The following ALS2 variants were observed in gnomAD, a reference collection of about 807,000 sequenced individuals.
ALS2 encodes the protein alsin.
Under a neutral mutation model 203.4 loss-of-function variants are expected in ALS2, and 117 were observed. That is an observed-to-expected ratio of 0.58 (90% CI 0.50 to 0.67). The LOEUF (loss-of-function observed/expected upper bound fraction) is 0.67, where lower values mean the gene tolerates loss of function less well. ALS2 is among the 30% of genes least tolerant of loss of function. The probability of loss-of-function intolerance (pLI) is 0.00; values close to 1 mark genes in which losing one functional copy is unlikely to be tolerated. For missense variants in ALS2, 1,715 were observed against 1,989.4 expected (o/e 0.86, Z 2.62); for synonymous variants, 718 against 725.9 (o/e 0.99, Z 0.17).
At chr2:201,772,486 A>G (rs930288799) in intron 1 of ALS2, among the ~76,000 whole-genome samples, 2 of 152,002 alleles carry the variant, frequency 1.3e-5, no homozygotes, top group Non-Finnish European at 2.9e-5. Context: ...ATATGAGGTT[A>G]TTTATCACTT....
At chr2:201,744,178 G>T (rs1480505169) in intron 10 of ALS2, 80 bp downstream of exon 10, 3 of 1,458,122 alleles carry the variant, frequency 2.1e-6, no homozygotes, top group African/African-American at 2.8e-5. Context: ...TAAACTAACA[G>T]GTTTTCATTA....
intron 12 of ALS2, among the ~76,000 whole-genome samples, chr2:201,738,148 T>TA (rs1305839926): frequency 1.3e-5 from 2 of 152,064 alleles, no homozygotes; most frequent in Middle Eastern, 3.4e-3. Flanking sequence ...ATTTTAAAAA[T>TA]AAAAAAAACT....
At position 201,727,674 on chromosome 2, in the gene ALS2, G is replaced by A. The variant is rs1468005693; in HGVS notation, c.2912+31C>T. The A allele has an allele frequency of 1.7e-5, 26 of 1,535,658 alleles. No homozygotes were observed. In the Admixed American group the frequency reaches 2.2e-4, roughly 13 times the overall value. On this transcript the variant is annotated intron_variant, in intron 16 of 33. Transcript: ENST00000264276. ...AGCAACCTGGGTAACAGACTTGGAC[G>A]GGGTGGGGTGGGGAGGGGGGACGCA...
chr2:201,740,201 C>T (rs1365290162), intron 11 of ALS2, among the ~76,000 whole-genome samples: 2 of 152,102 alleles, frequency 1.3e-5, no homozygotes, highest in Non-Finnish European at 2.9e-5. Context: ...CTGGCATGCA[C>T]CTGTAGTCCT....
chr2:201,723,301 T>C, intron 22 of ALS2, 29 bp downstream of exon 22: 4 of 1,551,666 alleles, frequency 2.6e-6, no homozygotes, highest in Non-Finnish European at 2.7e-6. Context: ...AAAAAGTTAG[T>C]AATAACTACA....
In ALS2 at chr2:201,755,786, T is replaced by C. The variant is rs1328243106; in HGVS notation, c.1472-1115A>G. Among the ~76,000 whole-genome samples the C allele has an allele frequency of 3.3e-5, 5 of 152,224 alleles. No homozygotes were observed. The South Asian group carries it at 6.2e-4, about 19-fold the overall frequency. ...TTTAAAAGAACATTGCCATCTTTTA[T>C]AGTGTTCAAAATTACATCAAACACA... On this transcript the variant is annotated intron_variant, in intron 5 of 33. Coordinates refer to ENST00000264276, the MANE Select transcript of ALS2 (RefSeq NM_020919.4).
chr2:201,743,208 G>A (rs1692403894), intron 10 of ALS2, among the ~76,000 whole-genome samples: 1 of 152,066 alleles, frequency 6.6e-6, no homozygotes, highest in Non-Finnish European at 1.5e-5. Context: ...GAGAGAGAAA[G>A]AGAAAGAAAA....
chr2:201,708,901 G>A (rs979278015), intron 27 of ALS2, among the ~76,000 whole-genome samples: 1 of 151,986 alleles, frequency 6.6e-6, no homozygotes, highest in Admixed American at 6.5e-5. Context: ...AAAAGGTCAG[G>A]ACACTTACTT....
Position 201,728,566 on chromosome 2 carries a change from C to G in ALS2, c.2787G>C (p.Gly929=), listed in dbSNP as rs1574711033. ...GAATGAACCAATTCACGGAAAACCT[C>G]CCAGCATGCTGCAGAGACAGGGCTC... is the stretch of plus-strand genomic sequence containing the variant. The part of the protein sequence containing the change: ...SNRALSLQHA[G]RFSVNWFILF... Residue 929 remains glycine (G), a synonymous_variant, in exon 15 of 34, where the codon GGG becomes GGC. Coordinates refer to ENST00000264276, the MANE Select transcript of ALS2 (RefSeq NM_020919.4). 6.2e-7 allele frequency: 1 copy of G among 1,614,130 alleles called. No individual in the cohort carries two copies. Among genetic ancestry groups the G allele is most frequent in the Admixed American group, 1.7e-5 (1 of 60,026 alleles).
Position 201,704,221 on chromosome 2 carries a change from GC to G in ALS2, c.4839-4del, listed in dbSNP as rs1471423172. 2.5e-6 allele frequency: 4 copies of G among 1,611,918 alleles called. No individual in the cohort carries two copies. On this transcript the variant is annotated splice_region_variant and splice_polypyrimidine_tract_variant and intron_variant, in intron 32 of 33. Transcript: ENST00000264276. ...CCTCAGAGCCTAAATTCCTAATCCTGCCCCAGAGAGAAAAAGATGCTGAGTT... is the reference window on the plus strand; with the variant it reads ...CCTCAGAGCCTAAATTCCTAATCCTGCCCAGAGAGAAAAAGATGCTGAGTT...
intron 32 of ALS2, 114 bp from the exon 33 acceptor site, chr2:201,704,332 T>G: frequency 6.7e-7 from 1 of 1,483,662 alleles, no homozygotes; most frequent in Non-Finnish European, 9.4e-7. Context: ...AATGTCACAG[T>G]GGAATGGGTT....
rs1054651163 is a variant in ALS2, at chr2:201,754,353, C to T, written c.1640+150G>A. 9 of 1,049,146 alleles carry T rather than the reference C, an allele frequency of 8.6e-6. No homozygotes were observed. The African/African-American group carries it at 1.4e-4, about 16-fold the overall frequency. 65.0% of individuals were successfully genotyped at this position (1,049,146 alleles called of 1,614,324 possible). The stretch of plus-strand genomic sequence containing the variant: ...AAGAACAAATTCAAGAGTAAAGTGA[C>T]AGCTTTTTATCAGAGTTAATGGTGT... On this transcript the variant is annotated intron_variant, in intron 6 of 33. Coordinates refer to ENST00000264276, the MANE Select transcript of ALS2 (RefSeq NM_020919.4).
chr2:201,764,225 C>T (rs897878741), intron 3 of ALS2, among the ~76,000 whole-genome samples: 1 of 152,104 alleles, frequency 6.6e-6, no homozygotes, highest in Non-Finnish European at 1.5e-5. Context: ...CTTGAAAAAG[C>T]TCACCAAGTC....
intron 2 of ALS2, 111 bp downstream of exon 2, chr2:201,768,755 C>A: frequency 9.5e-7 from 1 of 1,051,652 alleles, no homozygotes; most frequent in South Asian, 1.4e-5. Context: ...GTCACTATTC[C>A]CACTTAACAA....
At chr2:201,718,298 T>A in intron 23 of ALS2, 88 bp from the exon 24 acceptor site, 1 of 1,419,700 alleles carries the variant, frequency 7.0e-7, no homozygotes, top group African/African-American at 1.4e-5. Flanking sequence ...CTCACTCTGT[T>A]GCCCAGGCTG....
intron 23 of ALS2, chr2:201,721,893 G>C (rs1040980860): frequency 6.6e-6 from 1 of 152,150 alleles, no homozygotes; most frequent in Non-Finnish European, 1.5e-5. Flanking sequence ...TTGATCTCCT[G>C]ACCTCGTGAT....
At chr2:201,734,610 C>T (rs990931170) in intron 12 of ALS2, among the ~76,000 whole-genome samples, 2 of 152,186 alleles carry the variant, frequency 1.3e-5, no homozygotes, top group African/African-American at 4.8e-5. Flanking sequence ...CTGCTTTGAC[C>T]TGCTCCTGAG....
chr2:201,736,736 A>G (rs1285167211), intron 12 of ALS2, among the ~76,000 whole-genome samples: 5 of 152,184 alleles, frequency 3.3e-5, no homozygotes, highest in Non-Finnish European at 7.3e-5. Flanking sequence ...AATAATCGTA[A>G]GAATGAGAAA....
At chr2:201,715,934 T>C in intron 24 of ALS2, 95 bp from the exon 25 acceptor site, 2 of 1,384,264 alleles carry the variant, frequency 1.4e-6, no homozygotes, top group African/African-American at 2.8e-5. Context: ...GAGAATGCTT[T>C]TTTCGTGACC....
Sources: allele counts gnomAD v4.1 joint callset (sites outside exome capture counted in the v4.1 genomes callset), GRCh38; gene constraint gnomAD v4.1.1; transcripts MANE v1.5; gene names NCBI Gene and HGNC (gene_info 2026-07-23, HGNC 2026-07-21).